The following IL18R1 variants were observed in gnomAD, a reference collection of about 807,000 sequenced individuals.
IL18R1 encodes interleukin 18 receptor 1.
IL18R1 carries 40 observed loss-of-function variants against 48.5 expected under a neutral mutation model. That is an observed-to-expected ratio of 0.82 (90% CI 0.64 to 1.07). The LOEUF is 1.07. Ranked by LOEUF, IL18R1 falls within the 50% of genes least tolerant of loss-of-function variation. The pLI is 0.00. For synonymous variants in IL18R1, 232 were observed against 225.9 expected, an observed-to-expected ratio of 1.03 and a Z score of -0.24; for missense variants, 596 against 633.7, an observed-to-expected ratio of 0.94 and a Z score of 0.64.
chr2:102,382,632 G>T (rs1410242840), intron 6 of IL18R1, among the ~76,000 whole-genome samples: 1 of 152,152 alleles, frequency 6.6e-6, no homozygotes, highest in Non-Finnish European at 1.5e-5. Context: ...GTGCAAAAAG[G>T]CTAAGTAACT....
intron 6 of IL18R1, 62 bp downstream of exon 6, chr2:102,381,744 G>A: frequency 9.6e-7 from 1 of 1,037,078 alleles, no homozygotes; most frequent in South Asian, 1.3e-5. Context: ...AGCCTTCCAA[G>A]CGTAAATATG....
At chr2:102,378,306 A>T (rs1439513054) in intron 5 of IL18R1, among the ~76,000 whole-genome samples, 1 of 152,208 alleles carries the variant, frequency 6.6e-6, no homozygotes, top group Non-Finnish European at 1.5e-5. Context: ...TCTGCCTCAG[A>T]TTCCTCATCA....
At chr2:102,385,124 A>C in intron 7 of IL18R1, 126 bp downstream of exon 7, 1 of 488,754 alleles carries the variant, frequency 2.0e-6, no homozygotes, top group Non-Finnish European at 3.4e-6. Flanking sequence ...TTATAATTAT[A>C]ATGGACATAT....
Position 102,397,619 on chromosome 2 carries a change from T to C in IL18R1, c.*733T>C, listed in dbSNP as rs888360894. ...AGTTAATTATCTGGGCCTTTCACTT[T>C]GGATGCTCTGAAACATTTGTTGATT... On this transcript the variant is annotated 3_prime_UTR_variant, in exon 11 of 11. Coordinates refer to ENST00000233957, the MANE Select transcript of IL18R1 (RefSeq NM_003855.5). The C allele has an allele frequency of 6.6e-6, 1 of 152,416 alleles. No homozygotes were observed. Among genetic ancestry groups the C allele is most frequent in the Non-Finnish European group, 1.5e-5 (1 of 68,044 alleles). 9.4% of individuals were successfully genotyped at this position (152,416 alleles called of 1,614,324 possible). A position where few individuals can be genotyped will look rare whatever the true frequency, so the allele number is the denominator to read the frequency against.
At chr2:102,392,738 T>C (rs924311397) in intron 9 of IL18R1, among the ~76,000 whole-genome samples, 1 of 152,186 alleles carries the variant, frequency 6.6e-6, no homozygotes, top group Admixed American at 6.5e-5. Flanking sequence ...CCAAGCATAG[T>C]TTGAGGAACA....
At chr2:102,369,210 C>T (rs1038263099) in intron 3 of IL18R1, among the ~76,000 whole-genome samples, 4 of 152,128 alleles carry the variant, frequency 2.6e-5, no homozygotes, top group African/African-American at 9.7e-5. Context: ...AAACTTCCAA[C>T]TCCTGATTGA....
At chr2:102,376,404 A>C (rs1363541330) in intron 5 of IL18R1, among the ~76,000 whole-genome samples, 1 of 152,264 alleles carries the variant, frequency 6.6e-6, no homozygotes, top group Non-Finnish European at 1.5e-5. Context: ...AATAAACTGT[A>C]CTTAGCACAA....
rs1272709724 is a variant in IL18R1, at chr2:102,368,047, G to C, written c.281G>C (p.Gly94Ala). 2 of 1,614,028 alleles carry C rather than the reference G, an allele frequency of 1.2e-6. No individual in the cohort carries two copies. The highest frequency in any genetic ancestry group is 1.7e-6 in the Non-Finnish European group (2 of 1,180,028). Residue 94 changes from glycine to alanine, a missense_variant, in exon 3 of 11, where the codon GGA (glycine) becomes GCA (alanine). Gly to Ala is a moderately conservative substitution (Grantham distance 60, BLOSUM62 0). Around this residue, in one of 3 missense-constraint regions of IL18R1, gnomAD observed 360 missense variants for 339.4 expected, o/e 1.06. Coordinates refer to ENST00000233957, the MANE Select transcript of IL18R1 (RefSeq NM_003855.5). ...EFWPVELNDT[G>A]SYFFQMKNYT... Reference sequence around the variant, plus strand: ...TGGCCAGTTGAGTTGAATGACACAGGATCTTACTTTTTCCAAATGAAGTGA... The same window carrying C: ...TGGCCAGTTGAGTTGAATGACACAGCATCTTACTTTTTCCAAATGAAGTGA...
intron 2 of IL18R1, 141 bp from the exon 3 acceptor site, chr2:102,367,684 C>T (rs2034959922): frequency 1.5e-6 from 1 of 681,252 alleles, no homozygotes; most frequent in South Asian, 2.0e-5. Flanking sequence ...AATAAAGAAC[C>T]CACAGGAAAT....
intron 8 of IL18R1, among the ~76,000 whole-genome samples, chr2:102,388,331 TA>T (rs1181383909): frequency 1.3e-5 from 2 of 152,180 alleles, no homozygotes; most frequent in East Asian, 3.9e-4. Context: ...CGACAAGCTT[TA>T]TAGAGGTGAA....
chr2:102,389,623 A>G (rs1680444391), intron 8 of IL18R1, among the ~76,000 whole-genome samples: 1 of 152,192 alleles, frequency 6.6e-6, no homozygotes, highest in African/African-American at 2.4e-5. Context: ...TTCCTACAAT[A>G]CAAAATAATT....
At chr2:102,374,247 A>G (rs1020629229) in intron 4 of IL18R1, among the ~76,000 whole-genome samples, 1 of 152,198 alleles carries the variant, frequency 6.6e-6, no homozygotes, top group Non-Finnish European at 1.5e-5. Context: ...TTAAAGACCT[A>G]TAAGAGAGTG....
At chr2:102,376,380 A>C (rs1679586409) in intron 5 of IL18R1, among the ~76,000 whole-genome samples, 1 of 152,252 alleles carries the variant, frequency 6.6e-6, no homozygotes, top group Non-Finnish European at 1.5e-5. Context: ...TATTTAGTGA[A>C]GATATCTATA....
At chr2:102,387,042 T>C in intron 8 of IL18R1, 42 bp downstream of exon 8, 1 of 1,593,472 alleles carries the variant, frequency 6.3e-7, no homozygotes, top group African/African-American at 1.4e-5. Flanking sequence ...ACTTAGCTCA[T>C]TGCTACTGAG....
At position 102,356,371 on chromosome 2, in the gene IL18R1, C is replaced by G. The variant is rs372592173; in HGVS notation, c.-58C>G. The G allele has an allele frequency of 4.0e-5, 39 of 985,206 alleles. No homozygotes were observed. In the East Asian group the frequency reaches 2.5e-3, roughly 63 times the overall value. 61.0% of individuals were successfully genotyped at this position (985,206 alleles called of 1,614,324 possible). A position where few individuals can be genotyped will look rare whatever the true frequency, so the allele number is the denominator to read the frequency against. On this transcript the variant is annotated 5_prime_UTR_variant, in exon 1 of 11. Coordinates refer to ENST00000233957, the MANE Select transcript of IL18R1 (RefSeq NM_003855.5). ...GGCGTGAAGGAGGAGCTGCCGCCCC[C>G]GCCCCAGCCTCGGGGACGCCTCTCT...
chr2:102,394,513 C>T lies in IL18R1; in HGVS notation c.1156C>T (p.Arg386Ter), dbSNP rs765825588. 28 of 1,612,694 alleles carry T rather than the reference C, an allele frequency of 1.7e-5. No individual in the cohort carries two copies. The highest frequency in any genetic ancestry group is 2.1e-5 in the Non-Finnish European group (25 of 1,179,254). The change falls in exon 10 of 11, where the codon CGA becomes TGA. Residue 386 changes from arginine (R) to a stop codon, truncating the protein, a stop_gained. Transcript: ENST00000233957. LOFTEE classifies it high-confidence loss of function. Reference sequence around the variant, plus strand: ...TTTTGTGTCTTACCTAAAAGAATGCCGACCTGAAAATGGAGAGGAGCACAC... The same window carrying T: ...TTTTGTGTCTTACCTAAAAGAATGCTGACCTGAAAATGGAGAGGAGCACAC... ...DAFVSYLKEC[R>*]PENGEEHTFA... is the part of the protein sequence containing the mutation.
intron 1 of IL18R1, among the ~76,000 whole-genome samples, chr2:102,361,874 G>T (rs1678594844): frequency 6.6e-6 from 1 of 152,172 alleles, no homozygotes; most frequent in African/African-American, 2.4e-5. Flanking sequence ...TAGGATCAAA[G>T]TTCAATGCAG....
chr2:102,359,540 G>A (rs1678454663), intron 1 of IL18R1, among the ~76,000 whole-genome samples: 1 of 152,122 alleles, frequency 6.6e-6, no homozygotes, highest in Admixed American at 6.5e-5. Context: ...AAAATAAAAT[G>A]GCTGATAATA....
At chr2:102,385,625 G>A (rs573046308) in intron 7 of IL18R1, among the ~76,000 whole-genome samples, 2 of 152,232 alleles carry the variant, frequency 1.3e-5, no homozygotes, top group African/African-American at 4.8e-5. Flanking sequence ...TTTTTCTTCT[G>A]CTTTTTACAC....
Sources: gnomAD v4.1 joint callset for allele counts (sites outside exome capture counted in the v4.1 genomes callset) on GRCh38, gnomAD v4.1.1 for gene constraint, gnomAD v4.1.1 regional missense constraint, MANE v1.5 for transcripts, NCBI Gene and HGNC (gene_info 2026-07-23, HGNC 2026-07-21) for gene names.